RSBN1L: variants seen among roughly 807,000 people sequenced by gnomAD.
RSBN1L encodes the protein round spermatid basic protein 1 like, also known as lysine-specific demethylase RSBN1L.
RSBN1L carries 30 observed loss-of-function variants against 67.7 expected under a neutral mutation model. The observed-to-expected ratio is 0.44, with a 90% CI of 0.33 to 0.60. The LOEUF (loss-of-function observed/expected upper bound fraction) is 0.60, where lower values mean the gene tolerates loss of function less well. Among genes scored for constraint, RSBN1L ranks in the 20% least tolerant of loss-of-function variants. RSBN1L has a pLI of 0.02. For synonymous variants in RSBN1L, 433 were observed against 387.0 expected (o/e 1.12, Z -1.39); for missense variants, 992 against 1,031.7 (o/e 0.96, Z 0.53).
At chr7:77,773,652 A>G (rs755683410) in intron 6 of RSBN1L, among the ~76,000 whole-genome samples, 1 of 152,156 alleles carries the variant, frequency 6.6e-6, no homozygotes, top group African/African-American at 2.4e-5. Context: ...AGTCCTAGCT[A>G]TTCAGGAGCC....
At chr7:77,732,374 C>G (rs1791282335) in intron 1 of RSBN1L, among the ~76,000 whole-genome samples, 1 of 151,992 alleles carries the variant, frequency 6.6e-6, no homozygotes, top group South Asian at 2.1e-4. Context: ...ACTCTGTTGC[C>G]CAGGCTGGAG....
chr7:77,740,721 AT>A (rs1419415911), intron 2 of RSBN1L, among the ~76,000 whole-genome samples: 1 of 151,522 alleles, frequency 6.6e-6, no homozygotes, highest in Non-Finnish European at 1.5e-5. Context: ...GTTTTTTTTT[AT>A]TTTTCTTTTC....
At chr7:77,730,985 C>T (rs555874036) in intron 1 of RSBN1L, among the ~76,000 whole-genome samples, 1 of 152,300 alleles carries the variant, frequency 6.6e-6, no homozygotes, top group East Asian at 1.9e-4. Flanking sequence ...ATTTTACATT[C>T]GCACCAGCAG....
rs375721866 is a variant in RSBN1L, at chr7:77,714,254, G to T, written c.586+17199G>T. Among the ~76,000 whole-genome samples, 298 of 152,202 alleles carry T rather than the reference G, an allele frequency of 2.0e-3. 3 individuals are homozygous for T. The highest frequency in any genetic ancestry group is 6.9e-3 in the African/African-American group (287 of 41,524). On this transcript the variant is annotated intron_variant, in intron 1 of 7. Transcript: ENST00000334955. ...ATTATAATTTACATAAAATAGATTT[G>T]CCCTTTTTAGGTATATAGTTTTATG...
chr7:77,721,996 A>C (rs151079052), intron 1 of RSBN1L, among the ~76,000 whole-genome samples: 1 of 152,192 alleles, frequency 6.6e-6, no homozygotes, highest in Admixed American at 6.5e-5. Flanking sequence ...AAAAAGATGG[A>C]AATATTTTAA....
At chr7:77,742,182 T>TACACACACACACACAC (rs1169498942) in intron 2 of RSBN1L, among the ~76,000 whole-genome samples, 3 of 80,294 alleles carry the variant, frequency 3.7e-5, no homozygotes, top group African/African-American at 1.2e-4. Flanking sequence ...AAAAAAAAAA[T>TACACACACACACACAC]ACACACACAC....
At chr7:77,705,978 G>C (rs191678351) in intron 1 of RSBN1L, among the ~76,000 whole-genome samples, 140 of 151,706 alleles carry the variant, frequency 9.2e-4, no homozygotes, top group Non-Finnish European at 1.7e-3. Flanking sequence ...TTGGTTCACT[G>C]TAACCTCCAC....
intron 3 of RSBN1L, among the ~76,000 whole-genome samples, chr7:77,755,429 C>A (rs1196116070): frequency 2.0e-5 from 3 of 152,118 alleles, no homozygotes; most frequent in African/African-American, 7.2e-5. Context: ...CTGTGGGAGG[C>A]CGAGGCAGTC....
chr7:77,753,396 A>G (rs1175441230), intron 3 of RSBN1L, among the ~76,000 whole-genome samples: 2 of 152,168 alleles, frequency 1.3e-5, no homozygotes, highest in Non-Finnish European at 2.9e-5. Context: ...GTACCTTTTT[A>G]TATGATTATT....
At chr7:77,763,950 A>C (rs533016863) in intron 3 of RSBN1L, among the ~76,000 whole-genome samples, 1 of 152,248 alleles carries the variant, frequency 6.6e-6, no homozygotes, top group African/African-American at 2.4e-5. Flanking sequence ...GTCATTATTA[A>C]ACTGCTTTGC....
chr7:77,754,708 A>T (rs574450303), intron 3 of RSBN1L, among the ~76,000 whole-genome samples: 8 of 152,158 alleles, frequency 5.3e-5, no homozygotes, highest in Non-Finnish European at 1.2e-4. Context: ...GAAGTTTAGT[A>T]ATTAGCCATG....
Position 77,778,535 on chromosome 7 carries a change from C to T in RSBN1L, c.1908C>T (p.Val636=). ...CTTGTTTTATTATTTTTTAGTGTGT[C>T]CAATGGGTTGATGATGCAAAACTGA... The part of the protein sequence containing the change: ...DLHEPPLSQC[V]QWVDDAKLNQ... Residue 636 remains valine, a synonymous_variant, in exon 8 of 8, where the codon GTC becomes GTT. Coordinates refer to ENST00000334955, the MANE Select transcript of RSBN1L (RefSeq NM_198467.3). The T allele has an allele frequency of 6.2e-7, 1 of 1,610,040 alleles. No homozygotes were observed. The highest frequency in any genetic ancestry group is 8.5e-7 in the Non-Finnish European group (1 of 1,177,670).
chr7:77,697,031 G>T lies in RSBN1L; in HGVS notation c.562G>T (p.Gly188Trp). Residue 188 changes from glycine (G) to tryptophan (W), a missense_variant, in exon 1 of 8, where the codon GGG becomes TGG. By Grantham distance (184) the Gly-to-Trp change is radical. Coordinates refer to ENST00000334955, the MANE Select transcript of RSBN1L (RefSeq NM_198467.3). ...CGGCGGGGCCTCCCGGGAGGAGAAC[G>T]GGGAGGTGAAGCCGCTGCCCCGAGG... The part of the protein sequence containing the change: ...EAGGASREEN[G>W]EVKPLPRDKI... 1 of 1,515,072 alleles carries T rather than the reference G, an allele frequency of 6.6e-7. No homozygotes were observed. The highest frequency in any genetic ancestry group is 1.2e-5 in the South Asian group (1 of 82,496). The allele number at this position is 1,515,072 out of a possible 1,614,324, so 93.9% of individuals were successfully genotyped here.
chr7:77,779,430 G>C lies in RSBN1L; in HGVS notation c.*262G>C, dbSNP rs1791964991. Reference sequence around the variant, plus strand: ...CGTTGGAATTTTAGGTTTTAGAATAGAGCTGACATTAACATATATATATAT... The same window carrying C: ...CGTTGGAATTTTAGGTTTTAGAATACAGCTGACATTAACATATATATATAT... On this transcript the variant is annotated 3_prime_UTR_variant, in exon 8 of 8. Coordinates refer to ENST00000334955, the MANE Select transcript of RSBN1L (RefSeq NM_198467.3). 1 of 172,014 alleles carries C rather than the reference G, an allele frequency of 5.8e-6. No homozygotes were observed. Among genetic ancestry groups the C allele is most frequent in the African/African-American group, 2.7e-5 (1 of 36,714 alleles). 10.7% of individuals were successfully genotyped at this position (172,014 alleles called of 1,614,324 possible).
In RSBN1L at chr7:77,696,883, G is replaced by A; in HGVS notation, c.414G>A (p.Gln138=). 1.2e-6 allele frequency: 2 copies of A among 1,609,392 alleles called. No homozygotes were observed. Among genetic ancestry groups the A allele is most frequent in the Non-Finnish European group, 1.7e-6 (2 of 1,179,816 alleles). The change falls in exon 1 of 8, where the codon CAG becomes CAA. Residue 138 remains glutamine (Q), a synonymous_variant. Transcript: ENST00000334955. ...LLVPPTLLHA[Q]PHHLLLPAAA... is the part of the protein sequence containing the mutation. ...TCCCTCCTACGCTGCTGCACGCTCA[G>A]CCTCACCATCTCCTCCTGCCCGCCG...
At chr7:77,700,273 C>T (rs943087882) in intron 1 of RSBN1L, among the ~76,000 whole-genome samples, 8 of 152,120 alleles carry the variant, frequency 5.3e-5, no homozygotes, top group Admixed American at 2.6e-4. Context: ...TTATGGCAAA[C>T]CACAACAAAT....
intron 2 of RSBN1L, among the ~76,000 whole-genome samples, chr7:77,746,674 A>C (rs1205106359): frequency 6.6e-6 from 1 of 152,188 alleles, no homozygotes; most frequent in African/African-American, 2.4e-5. Flanking sequence ...ATTTGAGACA[A>C]GGCCAAGTCT....
chr7:77,762,969 A>G (rs1791714682), intron 3 of RSBN1L, among the ~76,000 whole-genome samples: 1 of 152,122 alleles, frequency 6.6e-6, no homozygotes, highest in South Asian at 2.1e-4. Context: ...AAACTGCCCA[A>G]ATTATTTAGG....
intron 1 of RSBN1L, among the ~76,000 whole-genome samples, chr7:77,718,783 G>A (rs1279385461): frequency 6.6e-6 from 1 of 152,144 alleles, no homozygotes; most frequent in Non-Finnish European, 1.5e-5. Context: ...TATTATATCA[G>A]ATGATTTTGT....
Sources: gnomAD v4.1 joint callset for allele counts (sites outside exome capture counted in the v4.1 genomes callset) on GRCh38, gnomAD v4.1.1 for gene constraint, MANE v1.5 for transcripts, NCBI Gene and HGNC (gene_info 2026-07-23, HGNC 2026-07-21) for gene names.